Variants in MUC5B observed in about 807,000 individuals in gnomAD.
MUC5B encodes the protein mucin 5B, oligomeric mucus/gel-forming.
MUC5B carries 116 observed loss-of-function variants against 376.9 expected under a neutral mutation model. The ratio of observed to expected loss-of-function variants is 0.31; its 90% CI spans 0.26 to 0.36. The LOEUF is 0.36. MUC5B is among the 10% of genes least tolerant of loss of function. MUC5B has a pLI of 1.00. For missense variants in MUC5B, 7,165 were observed against 7,769.9 expected (o/e 0.92, Z 2.93); for synonymous variants, 3,517 against 3,390.9 (o/e 1.04, Z -1.29).
intron 30 of MUC5B, 135 bp downstream of exon 30, chr11:1,240,510 G>A (rs1229702897): frequency 1.2e-6 from 1 of 827,312 alleles, no homozygotes; most frequent in Non-Finnish European, 1.9e-6. Context: ...GTCTAGGGGT[G>A]CACGGCCCCT....
chr11:1,252,256 G>A (rs1013213061), intron 31 of MUC5B, 87 bp from the exon 32 acceptor site: 53 of 1,344,270 alleles, frequency 3.9e-5, no homozygotes, highest in Admixed American at 2.5e-4. Context: ...GCTCCCTCCT[G>A]CGCTGACCTC....
In MUC5B at chr11:1,239,854, G is replaced by C; in HGVS notation, c.3639G>C (p.Lys1213Asn). ...CCTTCTTCAATGAGGACCAGATGAAGTGCGTGGCCCAGTGTGGCTGCTACG... is the reference window on the plus strand; with the variant it reads ...CCTTCTTCAATGAGGACCAGATGAACTGCGTGGCCCAGTGTGGCTGCTACG... ...SQPFFNEDQM[K>N]CVAQCGCYDK... The change falls in exon 28 of 49, where the codon AAG becomes AAC. Residue 1213 changes from lysine (K) to asparagine (N), a missense_variant. By Grantham distance (94) the Lys-to-Asn change is moderately conservative. Transcript: ENST00000529681. The C allele has an allele frequency of 6.2e-7, 1 of 1,613,218 alleles. No individual in the cohort carries two copies. The highest frequency in any genetic ancestry group is 8.5e-7 in the Non-Finnish European group (1 of 1,179,622).
rs1344803809 is a variant in MUC5B at position 1,262,124 on chromosome 11, C to G, written c.*516C>G. 1 of 515,368 alleles carries G rather than the reference C, an allele frequency of 1.9e-6. No individual in the cohort carries two copies. Among genetic ancestry groups the G allele is most frequent in the African/African-American group, 1.9e-5 (1 of 51,612 alleles). The allele number at this position is 515,368 out of a possible 1,614,324, so 31.9% of individuals were successfully genotyped here. A position where few individuals can be genotyped will look rare whatever the true frequency, so the allele number is the denominator to read the frequency against. On this transcript the variant is annotated 3_prime_UTR_variant, in exon 49 of 49. Coordinates refer to ENST00000529681, the MANE Select transcript of MUC5B (RefSeq NM_002458.3). ...AGAGGGGTCAGCATCCCAAAGCCCC[C>G]TCTGCTCAACCCAGCCCAGTTTTGC...
chr11:1,236,337 C>T, intron 23 of MUC5B, 49 bp from the exon 24 acceptor site: 1 of 1,562,098 alleles, frequency 6.4e-7, no homozygotes, highest in Non-Finnish European at 8.7e-7. Flanking sequence ...TCAGGCCCCT[C>T]CCTGGGGGCC....
In MUC5B at chr11:1,261,807, C is replaced by T. The variant is rs1293575759; in HGVS notation, c.*199C>T. The T allele has an allele frequency of 3.4e-5, 24 of 705,856 alleles. No homozygotes were observed. Among genetic ancestry groups the T allele is most frequent in the South Asian group, 1.7e-4 (11 of 66,628 alleles). The allele number at this position is 705,856 out of a possible 1,614,324, so 43.7% of individuals were successfully genotyped here. On this transcript the variant is annotated 3_prime_UTR_variant, in exon 49 of 49. Transcript: ENST00000529681. ...GCCAGCAGGACCCCTTTCGGGAGGG[C>T]GCCACTCAGGAGTCCTACCCTGGGA... is the stretch of plus-strand genomic sequence containing the variant.
Position 1,227,857 on chromosome 11 carries a change from G to A in MUC5B, c.774+76G>A, listed in dbSNP as rs907986653. The stretch of plus-strand genomic sequence containing the variant: ...AGGGGGAGCTGGGCCGAGGTCTGAG[G>A]AATGTTCCCAGCTGGTGGAGAGATG... On this transcript the variant is annotated intron_variant, in intron 7 of 48. Coordinates refer to ENST00000529681, the MANE Select transcript of MUC5B (RefSeq NM_002458.3). 7.7e-6 allele frequency: 5 copies of A among 653,268 alleles called. No homozygotes were observed. The African/African-American group carries it at 9.0e-5, about 12-fold the overall frequency. The allele number at this position is 653,268 out of a possible 1,614,324, so 40.5% of individuals were successfully genotyped here. A position where few individuals can be genotyped will look rare whatever the true frequency, so the allele number is the denominator to read the frequency against.
chr11:1,234,586 A>G lies in MUC5B; in HGVS notation c.2536A>G (p.Ser846Gly). The G allele has an allele frequency of 6.3e-7, 1 of 1,576,098 alleles. No individual in the cohort carries two copies. Among genetic ancestry groups the G allele is most frequent in the East Asian group, 2.3e-5 (1 of 42,652 alleles). Residue 846 changes from serine (S) to glycine (G), a missense_variant, in exon 21 of 49, where the codon AGT becomes GGT. By Grantham distance (56) the Ser-to-Gly change is moderately conservative. Around this residue, in one of 31 missense-constraint regions of MUC5B, gnomAD observed 530 missense variants for 604.0 expected, o/e 0.88. Coordinates refer to ENST00000529681, the MANE Select transcript of MUC5B (RefSeq NM_002458.3). The surrounding 1 kb of genome is among the most constrained non-coding windows in gnomAD (Gnocchi z 6.3). ...VCPPGLVSDGSGGCIAEEDCP... is the reference protein window; with the variant it reads ...VCPPGLVSDGGGGCIAEEDCP... ...TCCCCCGGGGCTGGTGTCGGATGGG[A>G]GTGGGGGCTGCATTGCCGAGGAGGA...
chr11:1,236,453 C>A lies in MUC5B; in HGVS notation c.2948C>A (p.Pro983His). The A allele has an allele frequency of 6.2e-7, 1 of 1,612,944 alleles. No homozygotes were observed. The highest frequency in any genetic ancestry group is 8.5e-7 in the Non-Finnish European group (1 of 1,179,800). Reference protein sequence around the residue: ...AVARGPGGDPPYKIRYMGIFL... With the variant: ...AVARGPGGDPHYKIRYMGIFL... ...GCGAGAGGGCCGGGTGGGGACCCAC[C>A]CTACAAGATACGCTACATGGGGATC... is the stretch of plus-strand genomic sequence containing the variant. The change falls in exon 24 of 49, where the codon CCC (proline) becomes CAC (histidine). Residue 983 changes from proline (P) to histidine (H), a missense_variant. Physicochemically the swap from Pro to His is moderately conservative, Grantham distance 77. Coordinates refer to ENST00000529681, the MANE Select transcript of MUC5B (RefSeq NM_002458.3).
At chr11:1,230,397 C>A in intron 11 of MUC5B, 93 bp from the exon 12 acceptor site, 1 of 1,274,166 alleles carries the variant, frequency 7.8e-7, no homozygotes, top group Non-Finnish European at 1.1e-6. Context: ...CCCACAGAGC[C>A]ACATCCCCCA....
Position 1,234,580 on chromosome 11 carries a change from G to T in MUC5B, c.2530G>T (p.Asp844Tyr). The change falls in exon 21 of 49, where the codon GAT becomes TAT. Residue 844 changes from aspartate (D) to tyrosine (Y), a missense_variant. By Grantham distance (160) the Asp-to-Tyr change is radical (BLOSUM62 -3). Transcript: ENST00000529681. This position sits in a 1 kb window ranked among gnomAD's most constrained non-coding sequence, Gnocchi z 6.3. ...GCVCPPGLVS[D>Y]GSGGCIAEED... ...TGTCTGTCCCCCGGGGCTGGTGTCG[G>T]ATGGGAGTGGGGGCTGCATTGCCGA... The T allele has an allele frequency of 6.3e-7, 1 of 1,578,672 alleles. No individual in the cohort carries two copies. Among genetic ancestry groups the T allele is most frequent in the Non-Finnish European group, 8.6e-7 (1 of 1,163,158 alleles).
At position 1,230,536 on chromosome 11, in the gene MUC5B, G is replaced by A. The variant is rs1350229643; in HGVS notation, c.1406G>A (p.Cys469Tyr). ...ACCGTGCTGGCTGAGCTGCGGAAGT[G>A]CGGCCTGACGGACAACGAGAACTGC... ...SFTVLAELRK[C>Y]GLTDNENCLK... Residue 469 changes from cysteine to tyrosine, a missense_variant, in exon 12 of 49, where the codon TGC (cysteine) becomes TAC (tyrosine). Transcript: ENST00000529681. 1 of 1,611,734 alleles carries A rather than the reference G, an allele frequency of 6.2e-7. No homozygotes were observed. The highest frequency in any genetic ancestry group is 8.5e-7 in the Non-Finnish European group (1 of 1,179,242).
Position 1,246,123 on chromosome 11 carries a change from A to C in MUC5B, c.9243A>C (p.Pro3081=). ...CCCTTGGGACCACCGGGACCCTCCC[A>C]GAACAGACCACCACACCCATGGCCA... ...SFTLGTTGTL[P]EQTTTPMATM... The change falls in exon 31 of 49, where the codon CCA becomes CCC. Residue 3081 remains proline, a synonymous_variant. Coordinates refer to ENST00000529681, the MANE Select transcript of MUC5B (RefSeq NM_002458.3). 5 of 1,612,358 alleles carry C rather than the reference A, an allele frequency of 3.1e-6. No individual in the cohort carries two copies. Among genetic ancestry groups the C allele is most frequent in the Non-Finnish European group, 4.2e-6 (5 of 1,179,310 alleles).
At chr11:1,231,855 T>A in intron 14 of MUC5B, 141 bp from the exon 15 acceptor site, 13 of 1,225,912 alleles carry the variant, frequency 1.1e-5, no homozygotes, top group Non-Finnish European at 1.5e-5. Context: ...CCAGGGCTTA[T>A]CTGCAGAGGG....
At chr11:1,252,773 T>C (rs146539054) in intron 32 of MUC5B, 36 bp from the exon 33 acceptor site, 46,601 of 1,566,648 alleles carry the variant, frequency 0.03, 866 homozygotes, top group Non-Finnish European at 0.033. Flanking sequence ...TCCCGTGAGC[T>C]GGTCCAGGTG....
chr11:1,229,467 G>A (rs1323110909), intron 9 of MUC5B, among the ~76,000 whole-genome samples, 172 bp downstream of exon 9: 10 of 152,316 alleles, frequency 6.6e-5, no homozygotes, highest in South Asian at 2.1e-4. Flanking sequence ...CTGCCGATGC[G>A]TGGAGGGAGG....
rs750609315 is a variant in MUC5B, at chr11:1,226,884, G to A, written c.461+8G>A. ...CCTCATCAATGGGCAGCGGTGAGCC[G>A]GCCACCCTGGGGAGGGGCGAGGGCC... On this transcript the variant is annotated splice_region_variant and intron_variant, in intron 4 of 48. Coordinates refer to ENST00000529681, the MANE Select transcript of MUC5B (RefSeq NM_002458.3). 17 of 1,603,126 alleles carry A rather than the reference G, an allele frequency of 1.1e-5. No individual in the cohort carries two copies. The highest frequency in any genetic ancestry group is 2.2e-5 in the East Asian group (1 of 44,744).
chr11:1,238,303 G>A (rs1823568363), intron 25 of MUC5B, among the ~76,000 whole-genome samples: 1 of 152,250 alleles, frequency 6.6e-6, no homozygotes, highest in East Asian at 1.9e-4. Flanking sequence ...AGTGATCAGG[G>A]GACGAGGCTG....
In MUC5B at chr11:1,246,205, C is replaced by T. The variant is rs755895037; in HGVS notation, c.9325C>T (p.Leu3109=). 2 of 1,612,978 alleles carry T rather than the reference C, an allele frequency of 1.2e-6. No individual in the cohort carries two copies. The highest frequency in any genetic ancestry group is 1.7e-6 in the Non-Finnish European group (2 of 1,179,644). The change falls in exon 31 of 49, where the codon CTG becomes TTG. Residue 3109 remains leucine, a synonymous_variant. Transcript: ENST00000529681. The part of the protein sequence containing the change: ...TPETTHTSTV[L]TTKATTTRAT... ...GGAGACCACCCACACCTCCACAGTG[C>T]TGACCACGAAGGCCACCACGACAAG...
chr11:1,236,647 T>C, intron 24 of MUC5B, 85 bp downstream of exon 24: 1 of 1,397,752 alleles, frequency 7.2e-7, no homozygotes, highest in Non-Finnish European at 9.7e-7. Flanking sequence ...TCTGTGGGAC[T>C]CGCTGACCCG....
Sources: gnomAD v4.1 joint callset for allele counts (sites outside exome capture counted in the v4.1 genomes callset) on GRCh38, gnomAD v4.1.1 for gene constraint, gnomAD v4.1.1 regional missense constraint, Gnocchi (gnomAD v3.1) non-coding constraint, MANE v1.5 for transcripts, NCBI Gene and HGNC (gene_info 2026-07-23, HGNC 2026-07-21) for gene names.